EPHA7: variants seen among roughly 807,000 people sequenced by gnomAD.
EPHA7 encodes the protein ephrin type-A receptor 7.
In EPHA7, 25 loss-of-function variants were observed where a neutral mutation model predicts 112.6. The observed-to-expected ratio is 0.22, with a 90% CI of 0.16 to 0.31. The LOEUF is 0.31. EPHA7 is among the 10% of genes least tolerant of loss of function. The pLI, the probability that EPHA7 is intolerant of heterozygous loss-of-function variation, is 1.00. For synonymous variants in EPHA7, 437 were observed against 406.5 expected (o/e 1.07, Z -0.90); for missense variants, 962 against 1,212.6 (o/e 0.79, Z 3.07).
At chr6:93,320,521 A>G (rs1452067591) in intron 5 of EPHA7, among the ~76,000 whole-genome samples, 1 of 152,010 alleles carries the variant, frequency 6.6e-6, no homozygotes, top group African/African-American at 2.4e-5. Context: ...GAGAAAAACA[A>G]TTCCCTTTCA....
At chr6:93,366,562 A>G (rs925638904) in intron 3 of EPHA7, among the ~76,000 whole-genome samples, 1 of 152,174 alleles carries the variant, frequency 6.6e-6, no homozygotes, top group Non-Finnish European at 1.5e-5. Flanking sequence ...AGAAACATAC[A>G]GTACACCCAC....
chr6:93,347,915 A>G (rs1429735333), intron 5 of EPHA7, among the ~76,000 whole-genome samples: 1 of 151,836 alleles, frequency 6.6e-6, no homozygotes, highest in Non-Finnish European at 1.5e-5. Context: ...AAACATCATT[A>G]TTTACAAAGT....
At chr6:93,318,826 T>A (rs1317446294) in intron 5 of EPHA7, among the ~76,000 whole-genome samples, 1 of 152,062 alleles carries the variant, frequency 6.6e-6, no homozygotes, top group East Asian at 1.9e-4. Flanking sequence ...AATTCTAGAA[T>A]CAGGAAACTA....
chr6:93,398,203 T>G (rs1029614718), intron 3 of EPHA7, among the ~76,000 whole-genome samples: 1 of 152,004 alleles, frequency 6.6e-6, no homozygotes, highest in African/African-American at 2.4e-5. Context: ...TTTCTCAAAT[T>G]GAAACACACC....
chr6:93,332,677 C>T (rs1281556136), intron 5 of EPHA7, among the ~76,000 whole-genome samples: 3 of 151,370 alleles, frequency 2.0e-5, no homozygotes, highest in Non-Finnish European at 4.4e-5. Flanking sequence ...TCAGAAAATG[C>T]CTTAAAATTT....
chr6:93,406,075 A>T (rs1680775877), intron 3 of EPHA7, among the ~76,000 whole-genome samples: 1 of 150,826 alleles, frequency 6.6e-6, no homozygotes, highest in Admixed American at 6.6e-5. Flanking sequence ...ACCTCTTAAC[A>T]TTAACAGAAA....
At chr6:93,299,040 A>G (rs543236479) in intron 5 of EPHA7, among the ~76,000 whole-genome samples, 1 of 152,130 alleles carries the variant, frequency 6.6e-6, no homozygotes, top group Non-Finnish European at 1.5e-5. Flanking sequence ...TATGAAAAAA[A>G]GCTCAGCCGG....
At chr6:93,370,874 G>A (rs962296287) in intron 3 of EPHA7, among the ~76,000 whole-genome samples, 1 of 151,672 alleles carries the variant, frequency 6.6e-6, no homozygotes, top group Non-Finnish European at 1.5e-5. Context: ...GGCAAGGCGC[G>A]GTGGCTCACG....
rs149505524 is a variant in EPHA7 at position 93,264,740 on chromosome 6, C to G, written c.1634-38G>C. On this transcript the variant is annotated intron_variant, in intron 7 of 16. Transcript: ENST00000369303. ...GAAATAGGCTCAGAAATACTTGACA[C>G]CATGCAAGAACTTGAAAGGTTAAAT... The G allele has an allele frequency of 9.4e-6, 12 of 1,276,712 alleles. No homozygotes were observed. In the South Asian group the frequency reaches 1.5e-4, roughly 16 times the overall value. 79.1% of individuals were successfully genotyped at this position (1,276,712 alleles called of 1,614,324 possible).
intron 5 of EPHA7, among the ~76,000 whole-genome samples, chr6:93,308,604 T>G (rs988899325): frequency 6.6e-6 from 1 of 152,136 alleles, no homozygotes; most frequent in Non-Finnish European, 1.5e-5. Flanking sequence ...ATATTTGAAA[T>G]TTATTTGTTA....
At chr6:93,273,713 G>C (rs1171706590) in intron 5 of EPHA7, among the ~76,000 whole-genome samples, 1 of 151,932 alleles carries the variant, frequency 6.6e-6, no homozygotes, top group Non-Finnish European at 1.5e-5. Context: ...ATGCATTTCT[G>C]ATATATTTTC....
chr6:93,273,016 T>C (rs957222377), intron 5 of EPHA7, among the ~76,000 whole-genome samples: 2 of 151,984 alleles, frequency 1.3e-5, no homozygotes, highest in African/African-American at 2.4e-5. Context: ...ACTTAAATTA[T>C]GTGCATGAAC....
chr6:93,309,689 A>T (rs117344820), intron 5 of EPHA7, among the ~76,000 whole-genome samples: 1 of 152,234 alleles, frequency 6.6e-6, no homozygotes, highest in Non-Finnish European at 1.5e-5. Context: ...ATTCAAATAT[A>T]CCATTATAAA....
chr6:93,362,640 G>T lies in EPHA7; in HGVS notation c.833-4229C>A, dbSNP rs531768682. Among the ~76,000 whole-genome samples, 9 of 152,176 alleles carry T rather than the reference G, an allele frequency of 5.9e-5. No individual in the cohort carries two copies. The South Asian group carries it at 1.0e-3, about 18-fold the overall frequency. ...AATAGATGTTTTGTTTAAGCAATGG[G>T]ATGCCAGGCCACTGAGACTATACTT... is the stretch of plus-strand genomic sequence containing the variant. On this transcript the variant is annotated intron_variant, in intron 3 of 16. Transcript: ENST00000369303.
chr6:93,247,298 T>G (rs1769997212), intron 14 of EPHA7, among the ~76,000 whole-genome samples: 1 of 152,198 alleles, frequency 6.6e-6, no homozygotes, highest in Non-Finnish European at 1.5e-5. Flanking sequence ...TATGGAACTA[T>G]CTTACTTGTA....
At chr6:93,315,987 G>A (rs1773789162) in intron 5 of EPHA7, among the ~76,000 whole-genome samples, 1 of 152,136 alleles carries the variant, frequency 6.6e-6, no homozygotes, top group Non-Finnish European at 1.5e-5. Flanking sequence ...AGAAACTAAA[G>A]TTCCTCTAAG....
chr6:93,307,617 GCTGA>G (rs1773322953), intron 5 of EPHA7, among the ~76,000 whole-genome samples: 1 of 152,086 alleles, frequency 6.6e-6, no homozygotes, highest in African/African-American at 2.4e-5. Flanking sequence ...CTCCCCTTAG[GCTGA>G]CTAATACAGA....
chr6:93,311,581 A>G (rs1383567738), intron 5 of EPHA7, among the ~76,000 whole-genome samples: 2 of 152,118 alleles, frequency 1.3e-5, no homozygotes, highest in African/African-American at 2.4e-5. Flanking sequence ...TACTTCTTCA[A>G]CTGAAGTCTT....
chr6:93,323,222 G>T (rs1424083698), intron 5 of EPHA7, among the ~76,000 whole-genome samples: 2 of 151,400 alleles, frequency 1.3e-5, no homozygotes, highest in African/African-American at 2.4e-5. Flanking sequence ...AAATGTAAAG[G>T]CTCTAAAATT....
Sources: allele counts gnomAD v4.1 joint callset (sites outside exome capture counted in the v4.1 genomes callset), GRCh38; gene constraint gnomAD v4.1.1; transcripts MANE v1.5; gene names NCBI Gene and HGNC (gene_info 2026-07-23, HGNC 2026-07-21).